The following COL1A2 variants were observed in gnomAD, a reference collection of about 807,000 sequenced individuals.
COL1A2 encodes collagen type I alpha 2 chain, also known as collagen alpha-2(I) chain.
In COL1A2, 49 loss-of-function variants were observed where a neutral mutation model predicts 174.3. The observed-to-expected ratio is 0.28, with a 90% CI of 0.22 to 0.36. The LOEUF (loss-of-function observed/expected upper bound fraction) is 0.36, where lower values mean the gene tolerates loss of function less well. COL1A2 is among the 10% of genes least tolerant of loss of function. COL1A2 has a pLI of 1.00. For missense variants in COL1A2, 1,438 were observed against 1,822.7 expected (o/e 0.79, Z 3.84); for synonymous variants, 655 against 606.6 (o/e 1.08, Z -1.17).
At chr7:94,418,444 T>C (rs1183087902) in intron 32 of COL1A2, 55 bp from the exon 33 acceptor site, 1 of 1,489,914 alleles carries the variant, frequency 6.7e-7, no homozygotes, top group Non-Finnish European at 9.4e-7. Context: ...CATATTAATT[T>C]CGATTCAAAA....
intron 10 of COL1A2, 151 bp from the exon 11 acceptor site, chr7:94,405,522 C>T (rs1791777106): frequency 1.2e-6 from 1 of 803,238 alleles, no homozygotes; most frequent in African/African-American, 1.7e-5. Context: ...CACATTAGAG[C>T]AAGTTAATTT....
At chr7:94,426,834 A>G (rs1326893592) in intron 46 of COL1A2, 174 bp from the exon 47 acceptor site, 13 of 667,782 alleles carry the variant, frequency 1.9e-5, no homozygotes, top group Non-Finnish European at 3.3e-5. Context: ...AGGTTGTGAA[A>G]AAAAAATTGA....
At position 94,394,899 on chromosome 7, in the gene COL1A2, C is replaced by A; in HGVS notation, c.-133C>A. ...AGATCCGGGCTTTATTATTTTAGCA[C>A]CACGGCAGCAGGAGGTTTCGGCTAA... On this transcript the variant is annotated 5_prime_UTR_variant, in exon 1 of 52. Coordinates refer to ENST00000297268, the MANE Select transcript of COL1A2 (RefSeq NM_000089.4). 2 of 763,036 alleles carry A rather than the reference C, an allele frequency of 2.6e-6. No individual in the cohort carries two copies. The highest frequency in any genetic ancestry group is 4.8e-6 in the Non-Finnish European group (2 of 419,142). 47.3% of individuals were successfully genotyped at this position (763,036 alleles called of 1,614,324 possible).
chr7:94,397,768 A>C lies in COL1A2; in HGVS notation c.81+10A>C, dbSNP rs750283092. The C allele has an allele frequency of 3.8e-6, 5 of 1,313,750 alleles. No individual in the cohort carries two copies. The highest frequency in any genetic ancestry group is 2.3e-5 in the East Asian group (1 of 42,632). The allele number at this position is 1,313,750 out of a possible 1,614,324, so 81.4% of individuals were successfully genotyped here. On this transcript the variant is annotated intron_variant, in intron 2 of 51. Coordinates refer to ENST00000297268, the MANE Select transcript of COL1A2 (RefSeq NM_000089.4). Reference sequence around the variant, plus strand: ...TACAGCTTTACAAGAGGTGAGTAAAACTTTTTTTAGAATTTTTAAAAATAC... The same window carrying C: ...TACAGCTTTACAAGAGGTGAGTAAACCTTTTTTTAGAATTTTTAAAAATAC...
chr7:94,424,570 T>C lies in COL1A2; in HGVS notation c.2673+127T>C, dbSNP rs149832356. On this transcript the variant is annotated intron_variant, in intron 41 of 51. Coordinates refer to ENST00000297268, the MANE Select transcript of COL1A2 (RefSeq NM_000089.4). ...ATTTTTATTCATGGCATTTTCTTTATACAGATCACATGTCACTTATCTAAG... is the reference window on the plus strand; with the variant it reads ...ATTTTTATTCATGGCATTTTCTTTACACAGATCACATGTCACTTATCTAAG... The C allele has an allele frequency of 4.7e-4, 382 of 813,224 alleles. No individual in the cohort carries two copies. In the African/African-American group the frequency reaches 5.7e-3, roughly 12 times the overall value. 50.4% of individuals were successfully genotyped at this position (813,224 alleles called of 1,614,324 possible).
At chr7:94,407,966 C>A in intron 13 of COL1A2, 75 bp downstream of exon 13, 1 of 1,387,850 alleles carries the variant, frequency 7.2e-7, no homozygotes, top group East Asian at 2.3e-5. Flanking sequence ...AATGTTTTTG[C>A]TAATCACTGT....
intron 10 of COL1A2, 104 bp downstream of exon 10, chr7:94,405,356 CAT>C: frequency 8.8e-7 from 1 of 1,132,120 alleles, no homozygotes; most frequent in Non-Finnish European, 1.3e-6. Context: ...CACCCAAACT[CAT>C]AACATGAATC....
chr7:94,406,740 C>G (rs1399944636), intron 12 of COL1A2, among the ~76,000 whole-genome samples: 1 of 152,142 alleles, frequency 6.6e-6, no homozygotes, highest in Admixed American at 6.5e-5. Flanking sequence ...TGTGATTTAT[C>G]TGTGCACACT....
intron 17 of COL1A2, 36 bp downstream of exon 17, chr7:94,409,456 A>AAG: frequency 6.2e-7 from 1 of 1,612,728 alleles, no homozygotes; most frequent in East Asian, 2.2e-5. Flanking sequence ...TATTGAGTAA[A>AAG]AGAAAACAAA....
Position 94,397,813 on chromosome 7 carries a change from G to A in COL1A2, c.81+55G>A, listed in dbSNP as rs141952604. The A allele has an allele frequency of 2.4e-4, 241 of 1,021,364 alleles. 1 individual carries two copies. In the African/African-American group the frequency reaches 3.6e-3, roughly 15 times the overall value. 63.3% of individuals were successfully genotyped at this position (1,021,364 alleles called of 1,614,324 possible). A position where few individuals can be genotyped will look rare whatever the true frequency, so the allele number is the denominator to read the frequency against. ...AAATACTTTGATTCCCTTGGCTACA[G>A]TGATGTCTTCTCTTGGAAGGGAAGA... is the stretch of plus-strand genomic sequence containing the variant. On this transcript the variant is annotated intron_variant, in intron 2 of 51. Transcript: ENST00000297268.
At position 94,416,523 on chromosome 7, in the gene COL1A2, A is replaced by G. The variant is rs1317672391; in HGVS notation, c.1863+20A>G. On this transcript the variant is annotated intron_variant, in intron 31 of 51. Transcript: ENST00000297268. ...AACAAGGTAAAATCTTATGTTTTCT[A>G]TATTGCTGGTTTGGCCCAGTCTGCC... 1 of 1,541,012 alleles carries G rather than the reference A, an allele frequency of 6.5e-7. No homozygotes were observed. The highest frequency in any genetic ancestry group is 1.2e-5 in the South Asian group (1 of 83,928).
At chr7:94,422,747 T>G in intron 39 of COL1A2, 2 of 594,354 alleles carry the variant, frequency 3.4e-6, no homozygotes, top group Non-Finnish European at 5.9e-6. Flanking sequence ...TCCTCCATTA[T>G]TTGGTTGGTT....
chr7:94,416,407 G>T lies in COL1A2; in HGVS notation c.1767G>T (p.Gly589=). Residue 589 remains glycine (G), a splice_region_variant and synonymous_variant, in exon 31 of 52, where the codon GGG becomes GGT. Transcript: ENST00000297268. ...FGLPGPAGPR[G]ERGPPGESGA... is the part of the protein sequence containing the mutation. Reference sequence around the variant, plus strand: ...CTTCTTCTAATCACTTTTTTCAGGGGGAACGCGGTCCCCCAGGTGAGAGTG... The same window carrying T: ...CTTCTTCTAATCACTTTTTTCAGGGTGAACGCGGTCCCCCAGGTGAGAGTG... 6.4e-7 allele frequency: 1 copy of T among 1,570,004 alleles called. No individual in the cohort carries two copies. The highest frequency in any genetic ancestry group is 1.8e-5 in the Admixed American group (1 of 54,154).
At chr7:94,428,255 T>C (rs1792327152) in intron 49 of COL1A2, 38 bp from the exon 50 acceptor site, 1 of 1,491,364 alleles carries the variant, frequency 6.7e-7, no homozygotes, top group African/African-American at 1.4e-5. Context: ...TTCTGCTCAA[T>C]GAGAAGTTTC....
At chr7:94,408,301 G>A (rs372558660) in intron 14 of COL1A2, 35 bp from the exon 15 acceptor site, 24 of 1,613,950 alleles carry the variant, frequency 1.5e-5, no homozygotes, top group Non-Finnish European at 1.9e-5. Context: ...TGTCATTTAA[G>A]TTTCCACCTG....
At chr7:94,398,604 T>A (rs1471642191) in intron 3 of COL1A2, among the ~76,000 whole-genome samples, 1 of 152,012 alleles carries the variant, frequency 6.6e-6, no homozygotes, top group African/African-American at 2.4e-5. Context: ...ATTACATTTA[T>A]GTGATACAAA....
At position 94,420,167 on chromosome 7, in the gene COL1A2, T is replaced by C. The variant is rs575828149; in HGVS notation, c.2080-66T>C. 1.3e-5 allele frequency: 21 copies of C among 1,602,284 alleles called. No homozygotes were observed. The East Asian group carries it at 2.2e-4, about 17-fold the overall frequency. ...TCTGTCTGTCCACCACTGTTCTCTCTCCCTCCCAGTTCTTTGAGCATCTAT... is the reference window on the plus strand; with the variant it reads ...TCTGTCTGTCCACCACTGTTCTCTCCCCCTCCCAGTTCTTTGAGCATCTAT... On this transcript the variant is annotated intron_variant, in intron 34 of 51. Transcript: ENST00000297268.
intron 41 of COL1A2, 144 bp from the exon 42 acceptor site, chr7:94,424,973 A>G: frequency 1.4e-6 from 1 of 721,418 alleles, no homozygotes; most frequent in Non-Finnish European, 2.5e-6. Flanking sequence ...TACTAATGAT[A>G]CTTCTTACCA....
rs1218794009 is a variant in COL1A2, at chr7:94,407,903, C to G, written c.639+12C>G. ...CTCCAGGTCAAACAGTAAGTATTGA[C>G]TACTTCATTGTAAATTTAAATGTGT... On this transcript the variant is annotated intron_variant, in intron 13 of 51. Coordinates refer to ENST00000297268, the MANE Select transcript of COL1A2 (RefSeq NM_000089.4). 6.2e-7 allele frequency: 1 copy of G among 1,610,474 alleles called. No homozygotes were observed. Among genetic ancestry groups the G allele is most frequent in the East Asian group, 2.2e-5 (1 of 44,808 alleles).
Sources: allele counts gnomAD v4.1 joint callset (sites outside exome capture counted in the v4.1 genomes callset), GRCh38; gene constraint gnomAD v4.1.1; transcripts MANE v1.5; gene names NCBI Gene and HGNC (gene_info 2026-07-23, HGNC 2026-07-21).